Variants in ACAD9 observed in about 807,000 individuals in gnomAD.
ACAD9 encodes the protein acyl-CoA dehydrogenase family member 9.
Under a neutral mutation model 70.2 loss-of-function variants are expected in ACAD9, and 53 were observed. That is an observed-to-expected ratio of 0.75 (90% CI 0.61 to 0.95). The LOEUF (loss-of-function observed/expected upper bound fraction) is 0.95, where lower values mean the gene tolerates loss of function less well. Among genes scored for constraint, ACAD9 ranks in the 40% least tolerant of loss-of-function variants. The probability of loss-of-function intolerance (pLI) is 0.00; values close to 1 mark genes in which losing one functional copy is unlikely to be tolerated. For synonymous variants in ACAD9, 313 were observed against 312.1 expected (o/e 1.00, Z -0.03); for missense variants, 777 against 802.8 (o/e 0.97, Z 0.39).
Position 128,898,405 on chromosome 3 carries a change from A to G in ACAD9, c.633+695A>G, listed in dbSNP as rs758708586. ...TACCCTTATCACATTTTAAAAATTG[A>G]TAATTTCTCTTTTCTTTTGAGACAG... On this transcript the variant is annotated intron_variant, in intron 6 of 17. Coordinates refer to ENST00000308982, the MANE Select transcript of ACAD9 (RefSeq NM_014049.5). 9.1e-5 allele frequency: 41 copies of G among 452,876 alleles called. 1 individual carries two copies. The highest frequency in any genetic ancestry group is 1.4e-4 in the Admixed American group (6 of 42,268). 28.1% of individuals were successfully genotyped at this position (452,876 alleles called of 1,614,324 possible).
intron 2 of ACAD9, among the ~76,000 whole-genome samples, chr3:128,886,022 A>C (rs1019405895): frequency 6.6e-6 from 1 of 151,086 alleles, no homozygotes; most frequent in Non-Finnish European, 1.5e-5. Context: ...GTCTAAAAAA[A>C]AAAAATAAAA....
Position 128,897,608 on chromosome 3 carries a change from G to C in ACAD9, c.555-24G>C, listed in dbSNP as rs1935603317. 4 of 1,607,810 alleles carry C rather than the reference G, an allele frequency of 2.5e-6. No individual in the cohort carries two copies. In the East Asian group the frequency reaches 8.9e-5, roughly 36 times the overall value. ...ATATTTATTCCCAGTATTCTCCCTT[G>C]ACCACATCTTTCTGCATCTGCAGTG... is the stretch of plus-strand genomic sequence containing the variant. On this transcript the variant is annotated intron_variant, in intron 5 of 17. Coordinates refer to ENST00000308982, the MANE Select transcript of ACAD9 (RefSeq NM_014049.5).
Position 128,912,712 on chromosome 3 carries a change from C to A in ACAD9, c.*105C>A. 9.3e-7 allele frequency: 1 copy of A among 1,077,720 alleles called. No individual in the cohort carries two copies. The highest frequency in any genetic ancestry group is 1.4e-6 in the Non-Finnish European group (1 of 699,200). The allele number at this position is 1,077,720 out of a possible 1,614,324, so 66.8% of individuals were successfully genotyped here. ...GGTGTTGGGATTATCACAGGTTAAG[C>A]CTTTTGTTCCCCGTCTGCACCTGAA... On this transcript the variant is annotated 3_prime_UTR_variant, in exon 18 of 18. Coordinates refer to ENST00000308982, the MANE Select transcript of ACAD9 (RefSeq NM_014049.5).
rs201014738 is a variant in ACAD9 at position 128,899,460 on chromosome 3, C to T, written c.807C>T (p.Asn269=). 97 of 1,613,630 alleles carry T rather than the reference C, an allele frequency of 6.0e-5. No individual in the cohort carries two copies. Among genetic ancestry groups the T allele is most frequent in the Non-Finnish European group, 7.7e-5 (91 of 1,179,912 alleles). The change falls in exon 7 of 18, where the codon AAC becomes AAT. Residue 269 remains asparagine, a splice_region_variant and synonymous_variant. Coordinates refer to ENST00000308982, the MANE Select transcript of ACAD9 (RefSeq NM_014049.5). ...ATAAATTAGGCATTCGGGGCTCCAA[C>T]AGTAAGTAGCTCCTGTGCGCGCGTG... The part of the protein sequence containing the change: ...PEDKLGIRGS[N]TCEVHFENTK...
At chr3:128,909,478 CATGAGA>C in intron 15 of ACAD9, 57 bp downstream of exon 15, 2 of 1,530,836 alleles carry the variant, frequency 1.3e-6, no homozygotes, top group Non-Finnish European at 1.8e-6. Context: ...GGCCAGCATT[CATGAGA>C]CTACTTTTTG....
intron 3 of ACAD9, among the ~76,000 whole-genome samples, chr3:128,895,051 A>G (rs1367166283): frequency 6.6e-6 from 1 of 150,642 alleles, no homozygotes; most frequent in African/African-American, 2.4e-5. Flanking sequence ...TAATTTTTGT[A>G]TTTTTAGTAG....
chr3:128,883,435 G>GCAA (rs1935152195), intron 1 of ACAD9, among the ~76,000 whole-genome samples: 1 of 151,054 alleles, frequency 6.6e-6, no homozygotes, highest in Admixed American at 6.6e-5. Flanking sequence ...TCGGCTCACT[G>GCAA]CAACCTCCAC....
chr3:128,899,928 A>G (rs73210607), intron 7 of ACAD9, among the ~76,000 whole-genome samples: 6,315 of 152,230 alleles, frequency 0.041, 171 homozygotes, highest in Non-Finnish European at 0.058. Context: ...GCCAAGCCAT[A>G]TAAGTACTAT....
In ACAD9 at chr3:128,901,368, C is replaced by G; in HGVS notation, c.882+19C>G. 5 of 1,613,762 alleles carry G rather than the reference C, an allele frequency of 3.1e-6. No homozygotes were observed. Among genetic ancestry groups the G allele is most frequent in the Non-Finnish European group, 4.2e-6 (5 of 1,179,622 alleles). On this transcript the variant is annotated intron_variant, in intron 8 of 17. Coordinates refer to ENST00000308982, the MANE Select transcript of ACAD9 (RefSeq NM_014049.5). ...GTTTAAGGTGAGTTGCCAGCCACAGCCCCTTGTACCAGGTAGTGTCATGAG... is the reference window on the plus strand; with the variant it reads ...GTTTAAGGTGAGTTGCCAGCCACAGGCCCTTGTACCAGGTAGTGTCATGAG...
intron 17 of ACAD9, among the ~76,000 whole-genome samples, chr3:128,911,720 G>A (rs1001448788): frequency 6.6e-6 from 1 of 152,266 alleles, no homozygotes; most frequent in Non-Finnish European, 1.5e-5. Context: ...GGGATTACAG[G>A]CATGAGCCAC....
chr3:128,893,723 C>T (rs1935488161), intron 3 of ACAD9, 67 bp downstream of exon 3: 8 of 1,358,422 alleles, frequency 5.9e-6, no homozygotes, highest in Non-Finnish European at 8.4e-6. Flanking sequence ...TTGTCCATAA[C>T]AGGTCTAGTT....
At chr3:128,887,959 A>C (rs1245967306) in intron 2 of ACAD9, among the ~76,000 whole-genome samples, 1 of 152,194 alleles carries the variant, frequency 6.6e-6, no homozygotes, top group Non-Finnish European at 1.5e-5. Context: ...GGAGACACAG[A>C]AAAATCACAT....
intron 8 of ACAD9, among the ~76,000 whole-genome samples, chr3:128,901,834 C>T (rs753919772): frequency 3.9e-5 from 6 of 152,144 alleles, no homozygotes; most frequent in Non-Finnish European, 7.3e-5. Context: ...ATTTCCTCAC[C>T]CCAAAAAGAA....
Position 128,902,687 on chromosome 3 carries a change from C to T in ACAD9, c.958+59C>T. The T allele has an allele frequency of 6.4e-7, 1 of 1,570,546 alleles. No individual in the cohort carries two copies. Among genetic ancestry groups the T allele is most frequent in the Non-Finnish European group, 8.7e-7 (1 of 1,146,192 alleles). On this transcript the variant is annotated intron_variant, in intron 9 of 17. Transcript: ENST00000308982. The surrounding 1 kb of genome is among the most constrained non-coding windows in gnomAD (Gnocchi z 4.0). The stretch of plus-strand genomic sequence containing the variant: ...CACCCCCTGCTGCCCCGGCTCCAAC[C>T]CTGGAGGCTCTGCCATTCCCCCGGC...
chr3:128,895,449 C>A (rs772947137), intron 4 of ACAD9, 33 bp downstream of exon 4: 5 of 1,561,628 alleles, frequency 3.2e-6, no homozygotes. Context: ...GTGGTGCTCT[C>A]TGTAGGTCTT....
intron 1 of ACAD9, among the ~76,000 whole-genome samples, chr3:128,882,723 A>T (rs1190236595): frequency 6.6e-6 from 1 of 152,168 alleles, no homozygotes; most frequent in African/African-American, 2.4e-5. Flanking sequence ...TCTGTTTTAC[A>T]TATTTGGTTT....
intron 11 of ACAD9, 97 bp from the exon 12 acceptor site, chr3:128,906,024 C>G: frequency 6.4e-7 from 1 of 1,567,496 alleles, no homozygotes; most frequent in Non-Finnish European, 8.7e-7. Context: ...GGCCGATCTC[C>G]TCCCCAAGCC....
At chr3:128,904,713 G>A (rs537254892) in intron 11 of ACAD9, among the ~76,000 whole-genome samples, 6 of 152,372 alleles carry the variant, frequency 3.9e-5, no homozygotes, top group African/African-American at 1.4e-4. Flanking sequence ...CAGTGGATCA[G>A]TAGTTTATAG....
At chr3:128,890,552 A>C (rs1280698309) in intron 2 of ACAD9, among the ~76,000 whole-genome samples, 3 of 151,784 alleles carry the variant, frequency 2.0e-5, no homozygotes, top group Non-Finnish European at 4.4e-5. Flanking sequence ...AATACAAAAA[A>C]TTAGCCGGGC....
Sources: allele counts gnomAD v4.1 joint callset (sites outside exome capture counted in the v4.1 genomes callset), GRCh38; gene constraint gnomAD v4.1.1; non-coding constraint Gnocchi (gnomAD v3.1); transcripts MANE v1.5; gene names NCBI Gene and HGNC (gene_info 2026-07-23, HGNC 2026-07-21).